HTR2C: variants seen among roughly 807,000 people sequenced by gnomAD.
HTR2C encodes 5-hydroxytryptamine (serotonin) receptor 2C, G protein-coupled.
Under a neutral mutation model 21.0 loss-of-function variants are expected in HTR2C, and 5 were observed. The ratio of observed to expected loss-of-function variants is 0.24; its 90% CI spans 0.12 to 0.50. HTR2C has a LOEUF of 0.50. HTR2C is among the 20% of genes least tolerant of loss of function. The pLI, the probability that HTR2C is intolerant of heterozygous loss-of-function variation, is 0.98. For synonymous variants in HTR2C, 150 were observed against 145.3 expected (o/e 1.03, Z -0.23); for missense variants, 271 against 371.2 (o/e 0.73, Z 2.22).
intron 4 of HTR2C, among the ~76,000 whole-genome samples, chrX:114,812,455 C>T (rs372582859): frequency 2.0e-4 from 22 of 111,061 alleles, no homozygotes; most frequent in East Asian, 1.7e-3. Flanking sequence ...TTGGGCCGGG[C>T]TCGGTGGCTT....
At position 114,587,581 on chromosome X, in the gene HTR2C, C is replaced by G. The variant is rs141461840; in HGVS notation, c.-147+2922C>G. On this transcript the variant is annotated intron_variant, in intron 1 of 5. Coordinates refer to ENST00000276198, the MANE Select transcript of HTR2C (RefSeq NM_000868.4). ...TGTTGTGAAACAGATGGGTATTAAG[C>G]ACTTTGAAAATTTTAAATTATTGCA... 7.3e-3 allele frequency among the ~76,000 whole-genome samples: 820 copies of G among 111,710 alleles called. 7 individuals carry two copies. Among genetic ancestry groups the G allele is most frequent in the African/African-American group, 0.025 (783 of 30,782 alleles).
intron 4 of HTR2C, among the ~76,000 whole-genome samples, chrX:114,770,595 CTATT>C (rs1326997509): frequency 1.8e-5 from 2 of 110,593 alleles, no homozygotes; most frequent in Non-Finnish European, 3.8e-5. Context: ...CTGATTTTCT[CTATT>C]TAGTGAGCAT....
chrX:114,681,719 A>G (rs1175073490), intron 2 of HTR2C, among the ~76,000 whole-genome samples: 2 of 111,823 alleles, frequency 1.8e-5, no homozygotes, highest in Non-Finnish European at 3.8e-5. Context: ...TAGATTACCA[A>G]ATCTTGGTAG....
At chrX:114,722,347 T>G (rs1340639276) in intron 2 of HTR2C, among the ~76,000 whole-genome samples, 2 of 111,308 alleles carry the variant, frequency 1.8e-5, no homozygotes, top group East Asian at 5.6e-4. Flanking sequence ...ATGCTTGTGA[T>G]TTTTGCACAT....
At chrX:114,722,887 C>T (rs1365268238) in intron 2 of HTR2C, among the ~76,000 whole-genome samples, 4 of 108,682 alleles carry the variant, frequency 3.7e-5, no homozygotes, top group Non-Finnish European at 7.7e-5. Flanking sequence ...GGTGGATAAG[C>T]TTTTTGATGT....
intron 2 of HTR2C, among the ~76,000 whole-genome samples, chrX:114,717,382 A>G (rs73222949): frequency 0.045 from 5,025 of 112,354 alleles, 119 homozygotes; most frequent in Non-Finnish European, 0.066. Flanking sequence ...CTATTCTACA[A>G]TTTAAAAAAA....
In HTR2C at chrX:114,839,052, G is replaced by C. The variant is rs782534263; in HGVS notation, c.350-8951G>C. ...TCTGAGGGAGTTATAGGAAAATGAT[G>C]AACAATAATGAACTTTTGGTTAGAA... is the stretch of plus-strand genomic sequence containing the variant. On this transcript the variant is annotated intron_variant, in intron 4 of 5. Transcript: ENST00000276198. 5.3e-5 allele frequency among the ~76,000 whole-genome samples: 6 copies of C among 112,255 alleles called. No homozygotes were observed. The South Asian group carries it at 2.2e-3, about 41-fold the overall frequency.
chrX:114,619,472 C>G (rs1929071294), intron 2 of HTR2C, among the ~76,000 whole-genome samples: 1 of 111,208 alleles, frequency 9.0e-6, no homozygotes, highest in Non-Finnish European at 1.9e-5. Flanking sequence ...TATTCCCTCA[C>G]CCCCCTCATG....
rs1463660231 is a variant in HTR2C at position 114,705,404 on chromosome X, C to T, written c.-79-21454C>T. Among the ~76,000 whole-genome samples the T allele has an allele frequency of 4.6e-5, 5 of 109,546 alleles. No homozygotes were observed. In the East Asian group the frequency reaches 1.5e-3, roughly 32 times the overall value. On this transcript the variant is annotated intron_variant, in intron 2 of 5. Transcript: ENST00000276198. ...AACAGAGCCCTCAGAAATAACGCCT[C>T]ATATCTACAACTATCTGATCTTTGA...
intron 4 of HTR2C, among the ~76,000 whole-genome samples, chrX:114,779,664 C>T (rs893509559): frequency 1.3e-4 from 15 of 111,960 alleles, no homozygotes; most frequent in African/African-American, 4.9e-4. Context: ...GGGATATTTT[C>T]GTAGTCAGGT....
At chrX:114,872,766 G>T (rs2071102194) in intron 5 of HTR2C, among the ~76,000 whole-genome samples, 2 of 110,868 alleles carry the variant, frequency 1.8e-5, no homozygotes, top group Admixed American at 1.9e-4. Context: ...TGTATACTCT[G>T]CTGTCTAGTT....
rs112838010 is a variant in HTR2C at position 114,771,148 on chromosome X, G to A, written c.349+39541G>A. Among the ~76,000 whole-genome samples, 957 of 110,704 alleles carry A rather than the reference G, an allele frequency of 8.6e-3. 11 individuals are homozygous for A. The highest frequency in any genetic ancestry group is 0.03 in the African/African-American group (901 of 30,422). ...GTCTTACAATTTCTTGTTGAAACTC[G>A]GACATTTTAAATAATATATTGTAGT... On this transcript the variant is annotated intron_variant, in intron 4 of 5. Coordinates refer to ENST00000276198, the MANE Select transcript of HTR2C (RefSeq NM_000868.4).
At chrX:114,794,537 C>T (rs1420019105) in intron 4 of HTR2C, among the ~76,000 whole-genome samples, 3 of 67,467 alleles carry the variant, frequency 4.4e-5, no homozygotes, top group Non-Finnish European at 7.9e-5. Context: ...TCCCCCCACC[C>T]CACAACAGTC....
chrX:114,629,985 C>T (rs1165050379), intron 2 of HTR2C, among the ~76,000 whole-genome samples: 9 of 110,401 alleles, frequency 8.2e-5, no homozygotes, highest in Admixed American at 7.8e-4. Flanking sequence ...AAAAAGGTAA[C>T]GATTATTTGC....
In HTR2C at chrX:114,713,275, T is replaced by C. The variant is rs1200355920; in HGVS notation, c.-79-13583T>C. On this transcript the variant is annotated intron_variant, in intron 2 of 5. Transcript: ENST00000276198. ...ATTGCTTCAGTATCTATTTCTAAAA[T>C]TGTGGCTATATTACTGCAAAACCAT... 3.6e-5 allele frequency among the ~76,000 whole-genome samples: 4 copies of C among 111,489 alleles called. No homozygotes were observed. The East Asian group carries it at 1.1e-3, about 31-fold the overall frequency.
chrX:114,852,805 C>T (rs1351250699), intron 5 of HTR2C, among the ~76,000 whole-genome samples: 5 of 107,733 alleles, frequency 4.6e-5, no homozygotes, highest in African/African-American at 1.4e-4. Flanking sequence ...TTTGTGTGTG[C>T]GTGCGTGCAT....
intron 5 of HTR2C, among the ~76,000 whole-genome samples, chrX:114,885,027 G>A (rs2071210252): frequency 9.1e-6 from 1 of 110,392 alleles, no homozygotes; most frequent in South Asian, 3.9e-4. Flanking sequence ...CTAACCAGAG[G>A]AGGGAGGGTG....
At chrX:114,667,161 C>T (rs782808356) in intron 2 of HTR2C, among the ~76,000 whole-genome samples, 5 of 110,939 alleles carry the variant, frequency 4.5e-5, no homozygotes, top group Non-Finnish European at 7.6e-5. Flanking sequence ...AGATTATAGG[C>T]TAATCTTAAA....
chrX:114,882,803 C>T (rs1029155617), intron 5 of HTR2C, among the ~76,000 whole-genome samples: 17 of 110,258 alleles, frequency 1.5e-4, no homozygotes, highest in African/African-American at 5.6e-4. Context: ...CTTGTGTTGT[C>T]TTCATCTCAT....
Sources: gnomAD v4.1 joint callset for allele counts (sites outside exome capture counted in the v4.1 genomes callset) on GRCh38, gnomAD v4.1.1 for gene constraint, MANE v1.5 for transcripts, NCBI Gene and HGNC (gene_info 2026-07-23, HGNC 2026-07-21) for gene names.